Variants in CADM2 observed in about 807,000 individuals in gnomAD.
CADM2 encodes the protein cell adhesion molecule 2, also known as immunoglobulin superfamily member 4D.
Under a neutral mutation model 49.8 loss-of-function variants are expected in CADM2, and 12 were observed. That is an observed-to-expected ratio of 0.24 (90% CI 0.15 to 0.39). The LOEUF (loss-of-function observed/expected upper bound fraction) is 0.39, where lower values mean the gene tolerates loss of function less well. Among genes scored for constraint, CADM2 ranks in the 10% least tolerant of loss-of-function variants. The probability of loss-of-function intolerance (pLI) is 1.00; values close to 1 mark genes in which losing one functional copy is unlikely to be tolerated. For missense variants in CADM2, 378 were observed against 492.3 expected, an observed-to-expected ratio of 0.77 and a Z score of 2.20; for synonymous variants, 214 against 175.4, an observed-to-expected ratio of 1.22 and a Z score of -1.74.
intron 1 of CADM2, among the ~76,000 whole-genome samples, chr3:85,197,063 T>G (rs1443731524): frequency 2.6e-5 from 4 of 151,990 alleles, no homozygotes; most frequent in African/African-American, 9.7e-5. Context: ...CAGTTACCAC[T>G]TACAGAAACC....
At chr3:85,265,513 C>G (rs1044378363) in intron 1 of CADM2, among the ~76,000 whole-genome samples, 1 of 151,918 alleles carries the variant, frequency 6.6e-6, no homozygotes, top group Non-Finnish European at 1.5e-5. Context: ...AGAGGTTGAA[C>G]TCATTTTTAT....
At chr3:85,448,121 G>A (rs964324857) in intron 1 of CADM2, among the ~76,000 whole-genome samples, 1 of 152,038 alleles carries the variant, frequency 6.6e-6, no homozygotes, top group African/African-American at 2.4e-5. Flanking sequence ...CACGAGGTCA[G>A]CAGATCAAAA....
intron 1 of CADM2, among the ~76,000 whole-genome samples, chr3:85,466,329 AG>A (rs1354721880): frequency 6.6e-6 from 1 of 152,206 alleles, no homozygotes; most frequent in Admixed American, 6.5e-5. Flanking sequence ...ATTTGATCAA[AG>A]GTTAATTTCA....
At chr3:85,422,397 C>T (rs1181826981) in intron 1 of CADM2, among the ~76,000 whole-genome samples, 2 of 152,098 alleles carry the variant, frequency 1.3e-5, no homozygotes, top group Non-Finnish European at 2.9e-5. Flanking sequence ...CCTGCCTCAG[C>T]TTCCCGAGTA....
At chr3:85,555,157 A>G (rs1228159639) in intron 1 of CADM2, among the ~76,000 whole-genome samples, 1 of 152,158 alleles carries the variant, frequency 6.6e-6, no homozygotes, top group Non-Finnish European at 1.5e-5. Context: ...TTCCAGTATA[A>G]TATTTATACC....
chr3:85,865,441 A>C (rs1401580551), intron 3 of CADM2, among the ~76,000 whole-genome samples: 1 of 152,188 alleles, frequency 6.6e-6, no homozygotes, highest in Non-Finnish European at 1.5e-5. Flanking sequence ...ATGGAGCAAA[A>C]ATATGAACTC....
At chr3:85,458,548 T>C (rs1474060523) in intron 1 of CADM2, among the ~76,000 whole-genome samples, 3 of 152,198 alleles carry the variant, frequency 2.0e-5, no homozygotes, top group Non-Finnish European at 4.4e-5. Flanking sequence ...CTTGCCGTTC[T>C]TTTCCAGAAT....
intron 1 of CADM2, among the ~76,000 whole-genome samples, chr3:85,062,789 T>G (rs2036383353): frequency 6.6e-6 from 1 of 152,026 alleles, no homozygotes; most frequent in African/African-American, 2.4e-5. Flanking sequence ...TTCTCAACCC[T>G]AATGATGATT....
intron 1 of CADM2, among the ~76,000 whole-genome samples, chr3:85,181,879 A>G (rs2040944501): frequency 6.7e-6 from 1 of 149,732 alleles, no homozygotes; most frequent in African/African-American, 2.4e-5. Flanking sequence ...CCGTGTAAGA[A>G]TTGTAAAGAT....
At chr3:85,718,325 G>T (rs982194804) in intron 1 of CADM2, among the ~76,000 whole-genome samples, 18 of 152,230 alleles carry the variant, frequency 1.2e-4, no homozygotes, top group African/African-American at 4.3e-4. Flanking sequence ...TTCAAAGATT[G>T]CCCGTGTACT....
In CADM2 at chr3:86,041,224, C is replaced by T. The variant is rs538476388; in HGVS notation, c.971-24381C>T. 5.9e-5 allele frequency among the ~76,000 whole-genome samples: 9 copies of T among 152,288 alleles called. No individual in the cohort carries two copies. In the East Asian group the frequency reaches 1.7e-3, roughly 29 times the overall value. On this transcript the variant is annotated intron_variant, in intron 8 of 9. Coordinates refer to ENST00000383699, the MANE Select transcript of CADM2 (RefSeq NM_001167675.2). ...TCATAATGACAGGATCAAATTCACA[C>T]ATAACAATATTAATCTTACATGTAA...
intron 1 of CADM2, among the ~76,000 whole-genome samples, chr3:85,234,126 G>C (rs531788214): frequency 6.6e-6 from 1 of 151,968 alleles, no homozygotes. Context: ...ATTTCCCAAG[G>C]TTCCATAGAT....
intron 5 of CADM2, among the ~76,000 whole-genome samples, chr3:85,907,844 G>A (rs1717009092): frequency 6.6e-6 from 1 of 151,718 alleles, no homozygotes; most frequent in Non-Finnish European, 1.5e-5. Context: ...CTGAGATGCA[G>A]AGGTTGCAGT....
chr3:85,954,809 T>C (rs1723847377), intron 7 of CADM2, among the ~76,000 whole-genome samples: 1 of 151,268 alleles, frequency 6.6e-6, no homozygotes, highest in Non-Finnish European at 1.5e-5. Flanking sequence ...TTGGGTGTAT[T>C]ATGCATAGAC....
At chr3:85,586,808 A>C (rs1177222536) in intron 1 of CADM2, among the ~76,000 whole-genome samples, 1 of 152,098 alleles carries the variant, frequency 6.6e-6, no homozygotes. Flanking sequence ...ACAAAAGAGA[A>C]AAGTATCCAT....
chr3:85,294,695 T>C (rs1340888930), intron 1 of CADM2, among the ~76,000 whole-genome samples: 2 of 150,856 alleles, frequency 1.3e-5, no homozygotes, highest in African/African-American at 2.4e-5. Context: ...GGGGAAAGGA[T>C]TCCCTATTTA....
chr3:86,030,853 TC>T (rs1411019239), intron 8 of CADM2, among the ~76,000 whole-genome samples: 14 of 151,888 alleles, frequency 9.2e-5, no homozygotes, highest in African/African-American at 3.1e-4. Flanking sequence ...CTAAAACTAC[TC>T]TTTATAAATT....
intron 1 of CADM2, among the ~76,000 whole-genome samples, chr3:84,969,274 T>C (rs73137655): frequency 0.048 from 7,270 of 152,056 alleles, 226 homozygotes; most frequent in Admixed American, 0.09. Context: ...ATATAATAAA[T>C]ATGTTTTGAC....
intron 7 of CADM2, among the ~76,000 whole-genome samples, chr3:85,960,188 TTTG>T (rs1355481061): frequency 4.6e-5 from 7 of 151,988 alleles, no homozygotes; most frequent in Admixed American, 2.0e-4. Context: ...GTTTACAATA[TTTG>T]TTATTATTTT....
Sources: allele counts gnomAD v4.1 joint callset (sites outside exome capture counted in the v4.1 genomes callset), GRCh38; gene constraint gnomAD v4.1.1; transcripts MANE v1.5; gene names NCBI Gene and HGNC (gene_info 2026-07-23, HGNC 2026-07-21).